The following SARDH variants were observed in gnomAD, a reference collection of about 807,000 sequenced individuals.
SARDH encodes the protein sarcosine dehydrogenase.
In SARDH, 95 loss-of-function variants were observed where a neutral mutation model predicts 109.1. The observed-to-expected ratio is 0.87, with a 90% confidence interval of 0.74 to 1.03. The LOEUF is 1.03. SARDH is among the 50% of genes least tolerant of loss of function. The probability of loss-of-function intolerance (pLI) is 0.00; values close to 1 mark genes in which losing one functional copy is unlikely to be tolerated. For synonymous variants in SARDH, 572 were observed against 534.8 expected (o/e 1.07, Z -0.96); for missense variants, 1,267 against 1,287.8 (o/e 0.98, Z 0.25).
downstream of SARDH, among the ~76,000 whole-genome samples, chr9:133,660,769 G>A (rs1358681890): frequency 1.3e-5 from 2 of 152,214 alleles, no homozygotes; most frequent in Admixed American, 1.3e-4. Flanking sequence ...ATGCCCATCA[G>A]TGTTGAGAGA....
At chr9:133,719,648 G>A (rs1832254725) in intron 6 of SARDH, among the ~76,000 whole-genome samples, 1 of 4,470 alleles carries the variant, frequency 2.2e-4, no homozygotes, top group African/African-American at 1.4e-3. Flanking sequence ...CCCCACCCCA[G>A]GAGCAGATTG....
rs571389818 is a variant in SARDH at position 133,690,315 on chromosome 9, C to T, written c.2069+65G>A. ...CTGGACAAGCTGTTCTGCCCAAGGGCCTGTTGGAGGACCTGGGTCCAGGCA... is the reference window on the plus strand; with the variant it reads ...CTGGACAAGCTGTTCTGCCCAAGGGTCTGTTGGAGGACCTGGGTCCAGGCA... On this transcript the variant is annotated intron_variant, in intron 16 of 20. Transcript: ENST00000439388. 1,843 of 1,571,270 alleles carry T rather than the reference C, an allele frequency of 1.2e-3. 2 individuals are homozygous for T. The highest frequency in any genetic ancestry group is 1.4e-3 in the Non-Finnish European group (1,607 of 1,153,824).
chr9:133,734,933 G>C (rs492847), intron 1 of SARDH, among the ~76,000 whole-genome samples: 2,794 of 152,330 alleles, frequency 0.018, 42 homozygotes, highest in South Asian at 0.029. Context: ...AGGTCCTGCG[G>C]GGTGGGGATG....
chr9:133,665,157 G>T (rs1344801108), intron 20 of SARDH, among the ~76,000 whole-genome samples: 1 of 152,166 alleles, frequency 6.6e-6, no homozygotes, highest in South Asian at 2.1e-4. Context: ...TGCACCGGCC[G>T]CTCTGGGTGC....
intron 18 of SARDH, among the ~76,000 whole-genome samples, chr9:133,671,095 G>A (rs1830331541): frequency 6.6e-6 from 1 of 152,174 alleles, no homozygotes; most frequent in African/African-American, 2.4e-5. Context: ...ACACGCTGGG[G>A]AACCGCCCAA....
At position 133,696,278 on chromosome 9, in the gene SARDH, C is replaced by T. The variant is rs781156998; in HGVS notation, c.1752G>A (p.Leu584=). 4.1e-5 allele frequency: 66 copies of T among 1,614,150 alleles called. No individual in the cohort carries two copies. In the South Asian group the frequency reaches 7.1e-4, roughly 17 times the overall value. The change falls in exon 14 of 21, where the codon CTG becomes CTA. Residue 584 remains leucine (L), a synonymous_variant. Transcript: ENST00000439388. ...SYFGKFYLVG[L]DARKAADWLF... ...GCCAGTCGGCAGCCTTCCTTGCATC[C>T]AGCCCCACCAGGTAGAACTTCCCGA...
At chr9:133,720,745 C>T (rs1055881242) in intron 6 of SARDH, among the ~76,000 whole-genome samples, 2 of 152,164 alleles carry the variant, frequency 1.3e-5, no homozygotes, top group African/African-American at 2.4e-5. Flanking sequence ...GAAACCACCC[C>T]ATGATTCAAT....
At chr9:133,736,104 G>T (rs1190347517) in intron 1 of SARDH, among the ~76,000 whole-genome samples, 1 of 150,822 alleles carries the variant, frequency 6.6e-6, no homozygotes, top group Non-Finnish European at 1.5e-5. Context: ...TACAGCTACC[G>T]CATGTGCACC....
At chr9:133,670,787 C>T (rs1302576196) in intron 18 of SARDH, 35 bp from the exon 19 acceptor site, 2 of 1,531,070 alleles carry the variant, frequency 1.3e-6, no homozygotes, top group African/African-American at 1.4e-5. Context: ...CGGTGCCACC[C>T]TGAGGGGGAT....
intron 1 of SARDH, 28 bp from the exon 2 acceptor site, chr9:133,734,231 G>C: frequency 7.0e-7 from 1 of 1,430,708 alleles, no homozygotes; most frequent in Non-Finnish European, 9.3e-7. Context: ...GCTGGGTGGG[G>C]TGCAGAGGGG....
chr9:133,723,923 C>T (rs1007711994), intron 6 of SARDH, among the ~76,000 whole-genome samples: 1 of 152,166 alleles, frequency 6.6e-6, no homozygotes, highest in African/African-American at 2.4e-5. Flanking sequence ...CCCTACCTCA[C>T]ACCATGCACA....
At chr9:133,726,394 A>ATAATAATAATAGTAGTAGTAG (rs59172198) in intron 6 of SARDH, among the ~76,000 whole-genome samples, 15 of 132,338 alleles carry the variant, frequency 1.1e-4, no homozygotes, top group African/African-American at 3.6e-4. Context: ...AATAATAATA[A>ATAATAATAATAGTAGTAGTAG]TAGTAGTAGT....
At chr9:133,678,003 CCT>C (rs1398030654) in intron 17 of SARDH, among the ~76,000 whole-genome samples, 1 of 152,220 alleles carries the variant, frequency 6.6e-6, no homozygotes, top group Non-Finnish European at 1.5e-5. Flanking sequence ...GCCTGAGGAC[CCT>C]CTCTTTTTGG....
intron 6 of SARDH, among the ~76,000 whole-genome samples, chr9:133,724,399 C>T (rs773434821): frequency 1.3e-5 from 2 of 152,138 alleles, no homozygotes; most frequent in Non-Finnish European, 2.9e-5. Flanking sequence ...AGTCAGTAAG[C>T]ACATGAAGAG....
chr9:133,661,347 AAACAAC>A (rs796700057), downstream of SARDH, among the ~76,000 whole-genome samples: 12 of 150,806 alleles, frequency 8.0e-5, no homozygotes, highest in African/African-American at 2.0e-4. Context: ...CTCAAAAAAA[AAACAAC>A]AACAACAAAA....
chr9:133,706,088 G>A (rs1414513457), intron 11 of SARDH, among the ~76,000 whole-genome samples: 2 of 152,210 alleles, frequency 1.3e-5, no homozygotes, highest in Non-Finnish European at 2.9e-5. Context: ...TGCACCATAC[G>A]ACCCAGCAAT....
At position 133,712,932 on chromosome 9, in the gene SARDH, C is replaced by A. The variant is rs1238908736; in HGVS notation, c.1237+106G>T. 2 of 1,190,636 alleles carry A rather than the reference C, an allele frequency of 1.7e-6. No homozygotes were observed. Among genetic ancestry groups the A allele is most frequent in the African/African-American group, 3.0e-5 (2 of 66,342 alleles). The allele number at this position is 1,190,636 out of a possible 1,614,324, so 73.8% of individuals were successfully genotyped here. On this transcript the variant is annotated intron_variant, in intron 9 of 20. Transcript: ENST00000439388. This position sits in a 1 kb window ranked among gnomAD's most constrained non-coding sequence, Gnocchi z 4.1. ...CTGGACTCCCCAGCCTCTCCTGTCC[C>A]CACCACTGTCGGGGGCCACGGTGCT...
In SARDH at chr9:133,693,406, C is replaced by T. The variant is rs1304637632; in HGVS notation, c.1921+852G>A. On this transcript the variant is annotated intron_variant, in intron 15 of 20. Transcript: ENST00000439388. This position sits in a 1 kb window ranked among gnomAD's most constrained non-coding sequence, Gnocchi z 5.6. ...AGGAAACAACTACATTTGCCAGCAG[C>T]ACGGAGTCAGGTCAAGAACCAGGAG... 6.6e-6 allele frequency among the ~76,000 whole-genome samples: 1 copy of T among 152,308 alleles called. No individual in the cohort carries two copies. Among genetic ancestry groups the T allele is most frequent in the East Asian group, 1.9e-4 (1 of 5,172 alleles).
At chr9:133,701,028 A>T (rs546405076) in intron 13 of SARDH, among the ~76,000 whole-genome samples, 2 of 152,270 alleles carry the variant, frequency 1.3e-5, no homozygotes, top group South Asian at 4.1e-4. Flanking sequence ...GGGAACTCAT[A>T]TTACCCCTCA....
Sources: gnomAD v4.1 joint callset for allele counts (sites outside exome capture counted in the v4.1 genomes callset) on GRCh38, gnomAD v4.1.1 for gene constraint, Gnocchi (gnomAD v3.1) non-coding constraint, MANE v1.5 for transcripts, NCBI Gene and HGNC (gene_info 2026-07-23, HGNC 2026-07-21) for gene names.